AGAP1: variants seen among roughly 807,000 people sequenced by gnomAD.
AGAP1 encodes the protein arf-GAP with GTPase, ANK repeat and PH domain-containing protein 1.
AGAP1 carries 29 observed loss-of-function variants against 105.3 expected under a neutral mutation model. That is an observed-to-expected ratio of 0.28 (90% CI 0.21 to 0.38). The LOEUF (loss-of-function observed/expected upper bound fraction) is 0.38, where lower values mean the gene tolerates loss of function less well. Among genes scored for constraint, AGAP1 ranks in the 10% least tolerant of loss-of-function variants. AGAP1 has a pLI of 1.00. For missense variants in AGAP1, 998 were observed against 1,165.1 expected (o/e 0.86, Z 2.09); for synonymous variants, 509 against 485.9 (o/e 1.05, Z -0.63).
Position 235,720,026 on chromosome 2 carries a change from C to A in AGAP1, c.310+2382C>A, listed in dbSNP as rs141199574. Among the ~76,000 whole-genome samples the A allele has an allele frequency of 6.6e-3, 1,011 of 152,274 alleles. 8 individuals are homozygous for A. The highest frequency in any genetic ancestry group is 0.023 in the African/African-American group (958 of 41,560). On this transcript the variant is annotated intron_variant, in intron 3 of 17. Transcript: ENST00000304032. The surrounding 1 kb of genome is among the most constrained non-coding windows in gnomAD (Gnocchi z 5.0). ...CCTCTTAATGAGACCAGGGAATGGA[C>A]TTCTACTTCCTGTTCATGTGACTGT...
intron 16 of AGAP1, among the ~76,000 whole-genome samples, chr2:236,067,956 AAGAC>A (rs2058390373): frequency 6.6e-6 from 1 of 152,068 alleles, no homozygotes; most frequent in Non-Finnish European, 1.5e-5. Context: ...ATGTTCCTGT[AAGAC>A]AGAGTGGCTC....
chr2:235,853,266 C>A, intron 9 of AGAP1: 1 of 974,746 alleles, frequency 1.0e-6, no homozygotes, highest in Non-Finnish European at 1.2e-6. Context: ...AATGGCTCCC[C>A]CTACTCTGCT....
At chr2:235,886,032 C>G (rs2050259180) in intron 10 of AGAP1, among the ~76,000 whole-genome samples, 1 of 152,146 alleles carries the variant, frequency 6.6e-6, no homozygotes, top group African/African-American at 2.4e-5. Context: ...CAGGACTGCC[C>G]CATGTAGGTC....
rs2059013463 is a variant in AGAP1, at chr2:236,089,744, A to G, written c.2115-30448A>G. Among the ~76,000 whole-genome samples, 1 of 152,202 alleles carries G rather than the reference A, an allele frequency of 6.6e-6. No individual in the cohort carries two copies. The highest frequency in any genetic ancestry group is 1.5e-5 in the Non-Finnish European group (1 of 68,034). The stretch of plus-strand genomic sequence containing the variant: ...GGATTGAACTGTGAGAGTGCAGGCA[A>G]TAAAGAGTGCATTTGTGGAATGATA... On this transcript the variant is annotated intron_variant, in intron 16 of 17. Coordinates refer to ENST00000304032, the MANE Select transcript of AGAP1 (RefSeq NM_001037131.3). This position sits in a 1 kb window ranked among gnomAD's most constrained non-coding sequence, Gnocchi z 5.6.
chr2:235,502,700 CTT>C (rs5839594), intron 1 of AGAP1, among the ~76,000 whole-genome samples: 4,556 of 110,936 alleles, frequency 0.041, 98 homozygotes, highest in Middle Eastern at 0.21. Flanking sequence ...TTTTATTTGC[CTT>C]TTTTTTTTTT....
chr2:235,709,998 G>T (rs1568069), intron 2 of AGAP1, among the ~76,000 whole-genome samples: 64,729 of 152,090 alleles, frequency 0.43, 15,055 homozygotes, highest in East Asian at 0.75. Flanking sequence ...TATTTATGTA[G>T]GTATCTATGT....
intron 3 of AGAP1, among the ~76,000 whole-genome samples, chr2:235,726,362 G>C (rs887798042): frequency 1.3e-5 from 2 of 152,170 alleles, no homozygotes; most frequent in African/African-American, 4.8e-5. Context: ...GAAACCTCAC[G>C]GCATCAGATA....
chr2:235,530,233 G>T (rs1223111698), intron 1 of AGAP1, among the ~76,000 whole-genome samples: 3 of 152,140 alleles, frequency 2.0e-5, no homozygotes, highest in Non-Finnish European at 2.9e-5. Flanking sequence ...CGCAGTCTTG[G>T]TGTATCTGAA....
chr2:236,120,403 G>A lies in AGAP1; in HGVS notation c.2326G>A (p.Ala776Thr). The change falls in exon 17 of 18, where the codon GCC (alanine) becomes ACC (threonine). Residue 776 changes from alanine (A) to threonine (T), a missense_variant. Transcript: ENST00000304032. The surrounding 1 kb of genome is among the most constrained non-coding windows in gnomAD (Gnocchi z 6.0). ...EGDGRTALHL[A>T]CRKGNVVLAQ... ...AGACGGCCGCACGGCGCTGCATCTG[G>A]CCTGCCGCAAGGGGAATGTGGTCCT... 1 of 1,611,490 alleles carries A rather than the reference G, an allele frequency of 6.2e-7. No individual in the cohort carries two copies. Among genetic ancestry groups the A allele is most frequent in the Non-Finnish European group, 8.5e-7 (1 of 1,179,784 alleles).
intron 1 of AGAP1, among the ~76,000 whole-genome samples, chr2:235,539,288 A>ACT: frequency 6.6e-6 from 1 of 152,310 alleles, no homozygotes; most frequent in South Asian, 2.1e-4. Context: ...CCTTAGATAT[A>ACT]CCATCAGGGC....
At chr2:235,850,780 A>T (rs2048409718) in intron 9 of AGAP1, among the ~76,000 whole-genome samples, 1 of 152,212 alleles carries the variant, frequency 6.6e-6, no homozygotes. Flanking sequence ...ATTTGAAAGC[A>T]TGATGACTGT....
chr2:236,110,206 TCAGCCTGGGCTGGGTGCAGTGACTCAC>T (rs2059608659), intron 16 of AGAP1, among the ~76,000 whole-genome samples: 1 of 152,152 alleles, frequency 6.6e-6, no homozygotes, highest in Non-Finnish European at 1.5e-5. Flanking sequence ...TGTAAAAGGT[TCAGCCTGGGCTGGGTGCAGTGACTCAC>T]ACCTGTAATC....
intron 1 of AGAP1, among the ~76,000 whole-genome samples, chr2:235,638,794 C>T (rs1947095836): frequency 6.6e-6 from 1 of 152,186 alleles, no homozygotes; most frequent in African/African-American, 2.4e-5. Flanking sequence ...GGTTACAACC[C>T]AGGCGGAGGG....
At chr2:235,978,950 A>C (rs2054973101) in intron 13 of AGAP1, among the ~76,000 whole-genome samples, 1 of 152,110 alleles carries the variant, frequency 6.6e-6, no homozygotes, top group Non-Finnish European at 1.5e-5. Flanking sequence ...GCTGCTTTGC[A>C]GACAGTTAGA....
At chr2:236,024,799 C>G (rs1166282654) in intron 13 of AGAP1, among the ~76,000 whole-genome samples, 1 of 152,186 alleles carries the variant, frequency 6.6e-6, no homozygotes. Flanking sequence ...GTGTAATATC[C>G]GGTGTTATTA....
intron 16 of AGAP1, among the ~76,000 whole-genome samples, chr2:236,069,529 T>G (rs1414377518): frequency 1.3e-5 from 2 of 152,160 alleles, no homozygotes; most frequent in Admixed American, 6.5e-5. Flanking sequence ...GTTCAAGTGA[T>G]TCTCCTGCCT....
At chr2:235,949,984 C>T (rs182764573) in intron 12 of AGAP1, among the ~76,000 whole-genome samples, 8 of 152,292 alleles carry the variant, frequency 5.3e-5, no homozygotes, top group African/African-American at 1.7e-4. Context: ...CTGTAGCCAG[C>T]GCTGGGAAGT....
chr2:235,851,664 C>A (rs186550889), intron 9 of AGAP1, among the ~76,000 whole-genome samples: 1 of 151,880 alleles, frequency 6.6e-6, no homozygotes, highest in African/African-American at 2.4e-5. Flanking sequence ...CCAGAACACC[C>A]GGAAATACAA....
At chr2:235,543,357 C>G (rs867565735) in intron 1 of AGAP1, among the ~76,000 whole-genome samples, 1 of 152,178 alleles carries the variant, frequency 6.6e-6, no homozygotes, top group Admixed American at 6.5e-5. Context: ...CCCTGCCATT[C>G]GGTTTCCACT....
Sources: gnomAD v4.1 joint callset for allele counts (sites outside exome capture counted in the v4.1 genomes callset) on GRCh38, gnomAD v4.1.1 for gene constraint, Gnocchi (gnomAD v3.1) non-coding constraint, MANE v1.5 for transcripts, NCBI Gene and HGNC (gene_info 2026-07-23, HGNC 2026-07-21) for gene names.